Variants in MYH7 observed in about 807,000 individuals in gnomAD.
MYH7 encodes the protein myosin heavy chain 7.
In MYH7, 129 loss-of-function variants were observed where a neutral mutation model predicts 225.4. That is an observed-to-expected ratio of 0.57 (90% CI 0.50 to 0.66). MYH7 has a LOEUF of 0.66. MYH7 is among the 30% of genes least tolerant of loss of function. The pLI is 0.00. For synonymous variants in MYH7, 971 were observed against 1,007.6 expected (o/e 0.96, Z 0.69); for missense variants, 1,649 against 2,517.0 (o/e 0.66, Z 7.38).
intron 39 of MYH7, among the ~76,000 whole-genome samples, chr14:23,413,349 C>T (rs146841170): frequency 2.4e-4 from 36 of 152,190 alleles, no homozygotes; most frequent in Non-Finnish European, 5.1e-4. Flanking sequence ...GAGGCTGAGG[C>T]GAGTGGATCA....
Position 23,415,670 on chromosome 14 carries a change from G to A in MYH7, c.5116C>T (p.Leu1706=). Residue 1706 remains leucine (L), a synonymous_variant, in exon 35 of 40, where the codon CTG becomes TTG. Coordinates refer to ENST00000355349, the MANE Select transcript of MYH7 (RefSeq NM_000257.4). This position sits in a 1 kb window ranked among gnomAD's most constrained non-coding sequence, Gnocchi z 6.3. ...ERSRKLAEQE[L]IETSERVQLL... is the part of the protein sequence containing the mutation. ...TGCACCCGCTCACTAGTCTCAATCA[G>A]CTCCTGCTCCGCCAGCTTCCGGGAC... 6.2e-7 allele frequency: 1 copy of A among 1,613,992 alleles called. No homozygotes were observed. Among genetic ancestry groups the A allele is most frequent in the Non-Finnish European group, 8.5e-7 (1 of 1,180,046 alleles).
rs368761847 is a variant in MYH7 at position 23,429,731 on chromosome 14, C to T, written c.1138+44G>A. The T allele has an allele frequency of 1.8e-5, 29 of 1,609,356 alleles. No homozygotes were observed. In the African/African-American group the frequency reaches 3.7e-4, roughly 21 times the overall value. ...GAGATGACTGCTGAGCAGACATGGC[C>T]CTCCATGACTTGACAGCTGCCCCCA... On this transcript the variant is annotated intron_variant, in intron 12 of 39. Transcript: ENST00000355349.
intron 24 of MYH7, among the ~76,000 whole-genome samples, chr14:23,422,695 A>T (rs1354701734): frequency 7.6e-6 from 1 of 130,778 alleles, no homozygotes; most frequent in Non-Finnish European, 1.5e-5. Context: ...CAGTGGCGCG[A>T]TCTCGGCTCA....
intron 37 of MYH7, 65 bp from the exon 38 acceptor site, chr14:23,414,167 C>T: frequency 7.1e-7 from 1 of 1,416,900 alleles, no homozygotes; most frequent in African/African-American, 1.4e-5. Context: ...ATCCCCTCCG[C>T]CCTGCCCTGC....
chr14:23,425,659 A>AG lies in MYH7; in HGVS notation c.2286+35_2286+36insC. On this transcript the variant is annotated intron_variant, in intron 20 of 39. Transcript: ENST00000355349. The surrounding 1 kb of genome is among the most constrained non-coding windows in gnomAD (Gnocchi z 4.6). ...CATCAGAGGAGTCAATGGAAAAGAGATGTCTTCCTTTAATTAATTAGTCTC... is the reference window on the plus strand; with the variant it reads ...CATCAGAGGAGTCAATGGAAAAGAGAGTGTCTTCCTTTAATTAATTAGTCTC... The AG allele has an allele frequency of 2.5e-6, 4 of 1,613,778 alleles. No homozygotes were observed. Among genetic ancestry groups the AG allele is most frequent in the Non-Finnish European group, 3.4e-6 (4 of 1,179,740 alleles).
chr14:23,423,436 AACACACACACACAC>A (rs61677533), intron 24 of MYH7, 97 bp downstream of exon 24: 697 of 824,956 alleles, frequency 8.4e-4, no homozygotes, highest in Admixed American at 1.3e-3. Flanking sequence ...CATAAACACA[AACACACACACACAC>A]ACACACACAC....
At position 23,419,267 on chromosome 14, in the gene MYH7, C is replaced by T. The variant is rs1892363435; in HGVS notation, c.3882G>A (p.Lys1294=). The T allele has an allele frequency of 1.2e-6, 2 of 1,614,190 alleles. No homozygotes were observed. Among genetic ancestry groups the T allele is most frequent in the South Asian group, 1.1e-5 (1 of 91,086 alleles). Residue 1294 remains lysine (K), a synonymous_variant, in exon 29 of 40, where the codon AAG becomes AAA. Transcript: ENST00000355349. ...NGELSRQLDE[K]EALISQLTRG... ...GGGTCAGCTGGGAGATCAGTGCCTC[C>T]TTCTCATCCAGCTGCCGGGACAGCT...
chr14:23,427,584 C>T lies in MYH7; in HGVS notation c.1888+1G>A, dbSNP rs113186231. 7 of 1,614,020 alleles carry T rather than the reference C, an allele frequency of 4.3e-6. No homozygotes were observed. Among genetic ancestry groups the T allele is most frequent in the African/African-American group, 1.3e-5 (1 of 75,034 alleles). Reference sequence around the variant, plus strand: ...TACCGGGAGCCTCAGTCCCTACTTACGCGCATCAGCCCCAGCATAGTTGGC... The same window carrying T: ...TACCGGGAGCCTCAGTCCCTACTTATGCGCATCAGCCCCAGCATAGTTGGC... On this transcript the variant is annotated splice_donor_variant, in intron 16 of 39. Coordinates refer to ENST00000355349, the MANE Select transcript of MYH7 (RefSeq NM_000257.4). LOFTEE classifies it high-confidence loss of function.
chr14:23,426,943 G>A, intron 17 of MYH7, 79 bp from the exon 18 acceptor site: 2 of 1,222,172 alleles, frequency 1.6e-6, no homozygotes. Context: ...GAAGAAGGAA[G>A]GAAAAGAGAG....
Position 23,433,453 on chromosome 14 carries a change from G to T in MYH7, c.201+79C>A. 1 of 1,526,712 alleles carries T rather than the reference G, an allele frequency of 6.6e-7. No individual in the cohort carries two copies. The highest frequency in any genetic ancestry group is 9.0e-7 in the Non-Finnish European group (1 of 1,108,034). The allele number at this position is 1,526,712 out of a possible 1,614,324, so 94.6% of individuals were successfully genotyped here. On this transcript the variant is annotated intron_variant, in intron 3 of 39. Transcript: ENST00000355349. This position sits in a 1 kb window ranked among gnomAD's most constrained non-coding sequence, Gnocchi z 4.1. The stretch of plus-strand genomic sequence containing the variant: ...ACCATCCTCAGGTCTGCATGGGCAT[G>T]GGGCATGGGTGTACCCCTCTCTGTC...
Position 23,428,609 on chromosome 14 carries a change from T to A in MYH7, c.1469A>T (p.Asn490Ile). ...CTGCTCCAGCACAAACATGTGGTGG[T>A]TGAAGAACTGCTGCAGCTTCTCGTT... ...FTNEKLQQFF[N>I]HHMFVLEQEE... The change falls in exon 15 of 40, where the codon AAC (asparagine) becomes ATC (isoleucine). Residue 490 changes from asparagine to isoleucine, a missense_variant. By Grantham distance (149) the Asn-to-Ile change is moderately radical (BLOSUM62 -3). Around this residue, in one of 12 missense-constraint regions of MYH7, gnomAD observed 76 missense variants for 233.8 expected, o/e 0.33. Coordinates refer to ENST00000355349, the MANE Select transcript of MYH7 (RefSeq NM_000257.4). The A allele has an allele frequency of 6.2e-7, 1 of 1,614,092 alleles. No homozygotes were observed. The highest frequency in any genetic ancestry group is 8.5e-7 in the Non-Finnish European group (1 of 1,180,016).
chr14:23,431,341 G>A (rs1285153964), intron 9 of MYH7, 77 bp downstream of exon 9: 1 of 1,408,788 alleles, frequency 7.1e-7, no homozygotes, highest in African/African-American at 1.4e-5. Context: ...AGGGAGGGGA[G>A]AGAGAGAGAG....
At position 23,415,773 on chromosome 14, in the gene MYH7, G is replaced by A. The variant is rs779978846; in HGVS notation, c.5013C>T (p.Ile1671=). ...VRANDDLKEN[I]AIVERRNNLL... ...GGTTGTTGCGCCGCTCCACGATGGCGATGTTCTCCTTCAGGTCGTCGTTGG... is the reference window on the plus strand; with the variant it reads ...GGTTGTTGCGCCGCTCCACGATGGCAATGTTCTCCTTCAGGTCGTCGTTGG... Residue 1671 remains isoleucine, a synonymous_variant, in exon 35 of 40, where the codon ATC becomes ATT. Transcript: ENST00000355349. The surrounding 1 kb of genome is among the most constrained non-coding windows in gnomAD (Gnocchi z 6.3). The A allele has an allele frequency of 1.3e-5, 21 of 1,614,220 alleles. No individual in the cohort carries two copies. Among genetic ancestry groups the A allele is most frequent in the African/African-American group, 4.0e-5 (3 of 75,056 alleles).
rs759897715 is a variant in MYH7, at chr14:23,423,403, C to T, written c.3099+144G>A. 340 of 1,176,690 alleles carry T rather than the reference C, an allele frequency of 2.9e-4. 1 individual carries two copies. The highest frequency in any genetic ancestry group is 3.8e-4 in the Non-Finnish European group (304 of 799,726). 72.9% of individuals were successfully genotyped at this position (1,176,690 alleles called of 1,614,324 possible). A position where few individuals can be genotyped will look rare whatever the true frequency, so the allele number is the denominator to read the frequency against. ...GAAAGATATCAGAAAAGTTAACATC[C>T]TCTAACCCTACCCCCCTCTAAACAT... On this transcript the variant is annotated intron_variant, in intron 24 of 39. Transcript: ENST00000355349.
Position 23,419,089 on chromosome 14 carries a change from G to A in MYH7, c.3972+88C>T. On this transcript the variant is annotated intron_variant, in intron 29 of 39. Coordinates refer to ENST00000355349, the MANE Select transcript of MYH7 (RefSeq NM_000257.4). Reference sequence around the variant, plus strand: ...TTGGAGAACTGTTGGTCCACAGCCAGCCTTATTGCTGGGAAGGGAAGTGAT... The same window carrying A: ...TTGGAGAACTGTTGGTCCACAGCCAACCTTATTGCTGGGAAGGGAAGTGAT... 5 of 1,183,472 alleles carry A rather than the reference G, an allele frequency of 4.2e-6. No homozygotes were observed. In the South Asian group the frequency reaches 6.1e-5, roughly 14 times the overall value. The allele number at this position is 1,183,472 out of a possible 1,614,324, so 73.3% of individuals were successfully genotyped here. A position where few individuals can be genotyped will look rare whatever the true frequency, so the allele number is the denominator to read the frequency against.
intron 33 of MYH7, 76 bp from the exon 34 acceptor site, chr14:23,416,388 A>G (rs1892214197): frequency 1.3e-6 from 2 of 1,487,362 alleles, no homozygotes; most frequent in East Asian, 2.3e-5. Flanking sequence ...CTCACTAATC[A>G]TGGATACGAA....
At chr14:23,432,981 G>A (rs1267245295) in intron 4 of MYH7, 103 bp downstream of exon 4, 4 of 1,566,266 alleles carry the variant, frequency 2.6e-6, no homozygotes, top group African/African-American at 1.4e-5. Flanking sequence ...AGGTTAGAGT[G>A]TAACCCTGCC....
rs373231077 is a variant in MYH7 at position 23,418,301 on chromosome 14, C to T, written c.4078G>A (p.Val1360Ile). The T allele has an allele frequency of 2.6e-5, 42 of 1,613,536 alleles. No individual in the cohort carries two copies. Among genetic ancestry groups the T allele is most frequent in the Middle Eastern group, 1.8e-4 (1 of 5,630 alleles). Residue 1360 changes from valine to isoleucine, a missense_variant, in exon 30 of 40, where the codon GTC (valine) becomes ATC (isoleucine). By Grantham distance (29) the Val-to-Ile change is conservative. Transcript: ENST00000355349. ...ETEAKAELQRVLSKANSEVAQ... is the reference protein window; with the variant it reads ...ETEAKAELQRILSKANSEVAQ... ...ACCTCCGAGTTGGCCTTGGAAAGGA[C>T]GCGCTGCAGCTCGGCCTTGGCCTCC...
At position 23,433,227 on chromosome 14, in the gene MYH7, T is replaced by C; in HGVS notation, c.202A>G (p.Thr68Ala). 6.2e-7 allele frequency: 1 copy of C among 1,614,176 alleles called. No individual in the cohort carries two copies. Among genetic ancestry groups the C allele is most frequent in the Non-Finnish European group, 8.5e-7 (1 of 1,180,030 alleles). The part of the protein sequence containing the change: ...KVTAETEYGK[T>A]VTVKEDQVMQ... ...ACCTGGTCCTCCTTCACGGTCACTG[T>C]CTGCAAGAGCCCCCACCCAAGCCCT... is the stretch of plus-strand genomic sequence containing the variant. Residue 68 changes from threonine (T) to alanine (A), a missense_variant and splice_region_variant, in exon 4 of 40, where the codon ACA becomes GCA. Transcript: ENST00000355349. The surrounding 1 kb of genome is among the most constrained non-coding windows in gnomAD (Gnocchi z 4.1).
Sources: allele counts gnomAD v4.1 joint callset (sites outside exome capture counted in the v4.1 genomes callset), GRCh38; gene constraint gnomAD v4.1.1; regional missense constraint gnomAD v4.1.1; non-coding constraint Gnocchi (gnomAD v3.1); transcripts MANE v1.5; gene names NCBI Gene and HGNC (gene_info 2026-07-23, HGNC 2026-07-21).